The following ZNF479 variants were observed in gnomAD, a reference collection of about 807,000 sequenced individuals.
The protein encoded by ZNF479 is KRAB zinc finger protein KR19.
A neutral mutation model predicts 14.7 loss-of-function variants in ZNF479; 15 were observed. The observed-to-expected ratio is 1.02, with a 90% confidence interval of 0.68 to 1.57. The LOEUF is 1.57. ZNF479 is among the 40% of genes most tolerant of loss of function. ZNF479 has a pLI of 0.00. For synonymous variants in ZNF479, 145 were observed against 211.5 expected (o/e 0.69, Z 2.73); for missense variants, 506 against 615.1 (o/e 0.82, Z 1.88).
At chr7:57,135,958 GCAATCTCTCTCT>G (rs1459407125), upstream of ZNF479, among the ~76,000 whole-genome samples, 1 of 136,610 alleles carries the variant, frequency 7.3e-6, no homozygotes, top group African/African-American at 2.9e-5. Context: ...CCTGCCATAG[GCAATCTCTCTCT>G]CAATCTCTCT....
chr7:57,139,087 T>C (rs570777955), intron 1 of ZNF479, among the ~76,000 whole-genome samples: 33 of 152,328 alleles, frequency 2.2e-4, no homozygotes, highest in Non-Finnish European at 4.0e-4. Context: ...GAATCTCACA[T>C]GTGCCATATA....
At chr7:57,138,561 C>T (rs1175058114) in intron 1 of ZNF479, among the ~76,000 whole-genome samples, 11 of 152,024 alleles carry the variant, frequency 7.2e-5, no homozygotes, top group Admixed American at 1.3e-4. Context: ...AGCCTACAGG[C>T]GCAGCGATGA....
chr7:57,120,368 T>C lies in ZNF479; in HGVS notation c.1047A>G (p.Arg349=). Residue 349 remains arginine (R), a synonymous_variant, in exon 4 of 4, where the codon AGA becomes AGG. Coordinates refer to ENST00000319636, the MANE Select transcript of ZNF479 (RefSeq NM_001370129.2). ...NLTRHKRIHT[R]EKPYACEECG... is the part of the protein sequence containing the mutation. ...ATTCTTCACAGGCATAGGGTTTCTC[T>C]CTAGTATGAATTCTCTTATGTCTAG... is the stretch of plus-strand genomic sequence containing the variant. The C allele has an allele frequency of 6.2e-7, 1 of 1,613,592 alleles. No individual in the cohort carries two copies. Among genetic ancestry groups the C allele is most frequent in the South Asian group, 1.1e-5 (1 of 91,058 alleles).
chr7:57,124,486 A>T (rs1786074842), intron 3 of ZNF479, among the ~76,000 whole-genome samples: 1 of 152,246 alleles, frequency 6.6e-6, no homozygotes, highest in Admixed American at 6.5e-5. Context: ...ACTTAGACTA[A>T]GAAAAACCTA....
At chr7:57,133,182 G>A (rs1786510649), upstream of ZNF479, among the ~76,000 whole-genome samples, 1 of 152,138 alleles carries the variant, frequency 6.6e-6, no homozygotes, top group Admixed American at 6.5e-5. Flanking sequence ...GGACCGGGCA[G>A]GAGGTGATTG....
chr7:57,137,333 C>T (rs1786695643), upstream of ZNF479, among the ~76,000 whole-genome samples: 1 of 151,882 alleles, frequency 6.6e-6, no homozygotes, highest in Admixed American at 6.6e-5. Context: ...TTACTAAATA[C>T]TAAAAAAGAA....
chr7:57,138,828 G>T (rs1050031758), intron 1 of ZNF479, among the ~76,000 whole-genome samples: 8 of 152,152 alleles, frequency 5.3e-5, no homozygotes, highest in African/African-American at 1.4e-4. Context: ...GAGCAAAATA[G>T]TTCCTGAATC....
chr7:57,122,055 A>T (rs1287787704), intron 3 of ZNF479, among the ~76,000 whole-genome samples: 1 of 152,080 alleles, frequency 6.6e-6, no homozygotes, highest in Non-Finnish European at 1.5e-5. Flanking sequence ...AAGAAGCTAA[A>T]CAAACAAACT....
chr7:57,126,205 C>G, intron 2 of ZNF479, 92 bp from the exon 3 acceptor site: 1 of 1,380,676 alleles, frequency 7.2e-7, no homozygotes, highest in Non-Finnish European at 9.7e-7. Flanking sequence ...ATAGAAAATT[C>G]TAGAAGATTA....
At chr7:57,131,550 G>A (rs1375293664) in intron 1 of ZNF479, among the ~76,000 whole-genome samples, 15 of 141,608 alleles carry the variant, frequency 1.1e-4, no homozygotes, top group South Asian at 2.4e-4. Flanking sequence ...AGGACAGAGC[G>A]AGACTCCCTC....
At chr7:57,138,245 G>T (rs1786733353) in intron 1 of ZNF479, among the ~76,000 whole-genome samples, 1 of 152,264 alleles carries the variant, frequency 6.6e-6, no homozygotes, top group South Asian at 2.1e-4. Flanking sequence ...TTCTAGCTAG[G>T]CTTAGAAAAA....
chr7:57,127,937 A>AT lies in ZNF479; in HGVS notation c.40-1220dup, dbSNP rs377564394. 3.1e-3 allele frequency among the ~76,000 whole-genome samples: 432 copies of AT among 139,338 alleles called. 5 individuals carry two copies. The highest frequency in any genetic ancestry group is 0.014 in the Admixed American group (193 of 13,860). The allele number at this position is 139,338 out of a possible 152,430, so 91.4% of individuals were successfully genotyped here. On this transcript the variant is annotated intron_variant, in intron 1 of 3. Transcript: ENST00000319636. Reference sequence around the variant, plus strand: ...ATTTAATTTTATTATATATATATATATTTTTTTTTTTTTTTTGAGACAGAG... The same window carrying AT: ...ATTTAATTTTATTATATATATATATATTTTTTTTTTTTTTTTTGAGACAGAG...
At chr7:57,138,389 T>C (rs1786740303) in intron 1 of ZNF479, among the ~76,000 whole-genome samples, 1 of 152,206 alleles carries the variant, frequency 6.6e-6, no homozygotes, top group Admixed American at 6.5e-5. Context: ...TTGTGAATCT[T>C]ATAGGCACAC....
intron 1 of ZNF479, among the ~76,000 whole-genome samples, chr7:57,137,859 G>C (rs572931881): frequency 6.6e-6 from 1 of 152,178 alleles, no homozygotes; most frequent in Non-Finnish European, 1.5e-5. Flanking sequence ...CCAGTCCGCA[G>C]GGGTTACTGC....
intron 1 of ZNF479, among the ~76,000 whole-genome samples, chr7:57,138,337 G>A (rs1034108866): frequency 6.6e-6 from 1 of 152,186 alleles, no homozygotes; most frequent in Non-Finnish European, 1.5e-5. Context: ...GTCTTTGAGT[G>A]ATAAAAAGAG....
At chr7:57,129,368 T>C (rs1583942629) in intron 1 of ZNF479, among the ~76,000 whole-genome samples, 1 of 152,128 alleles carries the variant, frequency 6.6e-6, no homozygotes, top group Admixed American at 6.6e-5. Flanking sequence ...CTTTTACAAG[T>C]CCCCTGTAAA....
At position 57,120,241 on chromosome 7, in the gene ZNF479, G is replaced by C. The variant is rs782812375; in HGVS notation, c.1174C>G (p.Arg392Gly). ...TCEECGQDFR[R>G]SSALTIHKRI... ...TTGTGGATAGTAAGTGCTGAGGAGC[G>C]CCTAAAGTCTTGGCCACATTCTTCA... is the stretch of plus-strand genomic sequence containing the variant. The change falls in exon 4 of 4, where the codon CGC becomes GGC. Residue 392 changes from arginine (R) to glycine (G), a missense_variant. By Grantham distance (125) the Arg-to-Gly change is moderately radical. Transcript: ENST00000319636. 1.9e-6 allele frequency: 3 copies of C among 1,607,730 alleles called. No individual in the cohort carries two copies. In the South Asian group the frequency reaches 3.3e-5, roughly 18 times the overall value.
chr7:57,136,679 C>T (rs1745050470), upstream of ZNF479, among the ~76,000 whole-genome samples: 1 of 152,166 alleles, frequency 6.6e-6, no homozygotes, highest in Admixed American at 6.5e-5. Context: ...CATGCTGTAG[C>T]TCAGTAGCTG....
At chr7:57,131,254 C>T (rs754046676) in intron 1 of ZNF479, among the ~76,000 whole-genome samples, 1 of 151,694 alleles carries the variant, frequency 6.6e-6, no homozygotes, top group Non-Finnish European at 1.5e-5. Flanking sequence ...ACCCCTGAAC[C>T]TAAAATAAAA....
Sources: allele counts gnomAD v4.1 joint callset (sites outside exome capture counted in the v4.1 genomes callset), GRCh38; gene constraint gnomAD v4.1.1; transcripts MANE v1.5; gene names NCBI Gene and HGNC (gene_info 2026-07-23, HGNC 2026-07-21).